The following BCAS3 variants were observed in gnomAD, a reference collection of about 807,000 sequenced individuals.
BCAS3 encodes the protein BCAS3 microtubule associated cell migration factor.
Under a neutral mutation model 116.1 loss-of-function variants are expected in BCAS3, and 53 were observed. That is an observed-to-expected ratio of 0.46 (90% CI 0.37 to 0.57). The LOEUF (loss-of-function observed/expected upper bound fraction) is 0.57. BCAS3 is among the 20% of genes least tolerant of loss of function. The pLI is 0.00. For missense variants in BCAS3, 917 were observed against 1,165.4 expected (o/e 0.79, Z 3.10); for synonymous variants, 391 against 408.2 (o/e 0.96, Z 0.51).
At position 61,243,202 on chromosome 17, in the gene BCAS3, G is replaced by A. The variant is rs897252979; in HGVS notation, c.2426-125125G>A. Among the ~76,000 whole-genome samples, 3 of 152,128 alleles carry A rather than the reference G, an allele frequency of 2.0e-5. No homozygotes were observed. Among genetic ancestry groups the A allele is most frequent in the Non-Finnish European group, 2.9e-5 (2 of 68,036 alleles). On this transcript the variant is annotated intron_variant, in intron 22 of 23. Transcript: ENST00000407086. The surrounding 1 kb of genome is among the most constrained non-coding windows in gnomAD (Gnocchi z 5.6). ...TGGGATTACAGGCATGAGCCACTGC[G>A]CCCTACTGCTATACACATTTAATGT...
At chr17:61,195,030 G>A (rs1384905262) in intron 22 of BCAS3, among the ~76,000 whole-genome samples, 1 of 152,196 alleles carries the variant, frequency 6.6e-6, no homozygotes, top group African/African-American at 2.4e-5. Context: ...AAGCTCTCAT[G>A]GAGCTTTCAC....
rs1333695064 is a variant in BCAS3, at chr17:61,051,968, C to G, written c.2029+11076C>G. ...AAATACAGGAAAAAAGGAAAAAGATCAGAGTATAAAATCAGTGAAACAGAA... is the reference window on the plus strand; with the variant it reads ...AAATACAGGAAAAAAGGAAAAAGATGAGAGTATAAAATCAGTGAAACAGAA... On this transcript the variant is annotated intron_variant, in intron 19 of 23. Coordinates refer to ENST00000407086, the MANE Select transcript of BCAS3 (RefSeq NM_017679.5). The surrounding 1 kb of genome is among the most constrained non-coding windows in gnomAD (Gnocchi z 4.1). Among the ~76,000 whole-genome samples the G allele has an allele frequency of 1.3e-4, 19 of 151,952 alleles. No homozygotes were observed. The highest frequency in any genetic ancestry group is 1.2e-3 in the Admixed American group (19 of 15,258).
At chr17:60,863,361 A>T (rs541435315) in intron 7 of BCAS3, among the ~76,000 whole-genome samples, 1 of 152,266 alleles carries the variant, frequency 6.6e-6, no homozygotes, top group South Asian at 2.1e-4. Context: ...CAGAGATATT[A>T]TATAGTGTAG....
At chr17:61,089,566 G>A (rs1461817033) in intron 22 of BCAS3, among the ~76,000 whole-genome samples, 1 of 111,072 alleles carries the variant, frequency 9.0e-6, no homozygotes, top group Non-Finnish European at 1.7e-5. Context: ...GTCTCGCTGT[G>A]TCACCCAGGC....
In BCAS3 at chr17:61,205,852, G is replaced by A. The variant is rs4968536; in HGVS notation, c.2425+121288G>A. Among the ~76,000 whole-genome samples, 125,645 of 152,150 alleles carry A rather than the reference G, an allele frequency of 0.83. 53,343 individuals are homozygous for A. Among genetic ancestry groups the A allele is most frequent in the Non-Finnish European group, 0.93 (63,332 of 68,030 alleles). ...TGAATAGTCATTGTATTCTTAGGGT[G>A]TGAAACTGTTTCGGGAGCAAAAGAT... On this transcript the variant is annotated intron_variant, in intron 22 of 23. Coordinates refer to ENST00000407086, the MANE Select transcript of BCAS3 (RefSeq NM_017679.5). This position sits in a 1 kb window ranked among gnomAD's most constrained non-coding sequence, Gnocchi z 5.2.
chr17:61,281,376 C>G lies in BCAS3; in HGVS notation c.2426-86951C>G, dbSNP rs1473871731. Among the ~76,000 whole-genome samples, 1 of 152,072 alleles carries G rather than the reference C, an allele frequency of 6.6e-6. No individual in the cohort carries two copies. The highest frequency in any genetic ancestry group is 1.5e-5 in the Non-Finnish European group (1 of 68,026). On this transcript the variant is annotated intron_variant, in intron 22 of 23. Transcript: ENST00000407086. The surrounding 1 kb of genome is among the most constrained non-coding windows in gnomAD (Gnocchi z 4.2). ...AATTCCCAGGTCAAAGGATAAGTGACCTAGGAATTTTTTGTAATTTAATTA... is the reference window on the plus strand; with the variant it reads ...AATTCCCAGGTCAAAGGATAAGTGAGCTAGGAATTTTTTGTAATTTAATTA...
Position 61,324,047 on chromosome 17 carries a change from C to T in BCAS3, c.2426-44280C>T, listed in dbSNP as rs936344869. Among the ~76,000 whole-genome samples, 1 of 152,166 alleles carries T rather than the reference C, an allele frequency of 6.6e-6. No homozygotes were observed. The highest frequency in any genetic ancestry group is 1.5e-5 in the Non-Finnish European group (1 of 68,040). ...ATCCTCACACTTCTTTGGCTGGAGC[C>T]GCCTTCCTCTGTGTTCTCAGTGTGC... On this transcript the variant is annotated intron_variant, in intron 22 of 23. Transcript: ENST00000407086. This position sits in a 1 kb window ranked among gnomAD's most constrained non-coding sequence, Gnocchi z 4.6.
intron 22 of BCAS3, among the ~76,000 whole-genome samples, chr17:61,335,771 T>G (rs1429581840): frequency 6.6e-6 from 1 of 152,236 alleles, no homozygotes; most frequent in African/African-American, 2.4e-5. Context: ...TTAATTGCCT[T>G]TCATAGAAAC....
At position 60,890,654 on chromosome 17, in the gene BCAS3, T is replaced by C. The variant is rs368283655; in HGVS notation, c.738+883T>C. 9.2e-5 allele frequency among the ~76,000 whole-genome samples: 14 copies of C among 152,318 alleles called. No homozygotes were observed. The South Asian group carries it at 2.1e-3, about 23-fold the overall frequency. ...CTATATGCACTAGGAATTTTACTTATGTCTGATTTAAGGAAAAAGGTAAAT... is the reference window on the plus strand; with the variant it reads ...CTATATGCACTAGGAATTTTACTTACGTCTGATTTAAGGAAAAAGGTAAAT... On this transcript the variant is annotated intron_variant, in intron 10 of 23. Coordinates refer to ENST00000407086, the MANE Select transcript of BCAS3 (RefSeq NM_017679.5).
At chr17:61,263,483 C>T (rs868832802) in intron 22 of BCAS3, among the ~76,000 whole-genome samples, 16 of 152,340 alleles carry the variant, frequency 1.1e-4, no homozygotes, top group Middle Eastern at 6.8e-3. Context: ...AGGAGAGACC[C>T]AGTCGATGCT....
At chr17:60,879,979 A>G (rs1008692179) in intron 9 of BCAS3, among the ~76,000 whole-genome samples, 1 of 152,210 alleles carries the variant, frequency 6.6e-6, no homozygotes, top group African/African-American at 2.4e-5. Context: ...TGAGTTCTCC[A>G]TAAGATGGAA....
intron 7 of BCAS3, among the ~76,000 whole-genome samples, chr17:60,817,467 A>C (rs1207802886): frequency 6.6e-6 from 1 of 152,242 alleles, no homozygotes; most frequent in Non-Finnish European, 1.5e-5. Flanking sequence ...AATCCAATAT[A>C]TTATGATCAC....
At chr17:60,717,668 GCAAAGTTGGACTTTTACGGTGAAATTA>G (rs1369946386) in intron 5 of BCAS3, among the ~76,000 whole-genome samples, 1 of 152,112 alleles carries the variant, frequency 6.6e-6, no homozygotes, top group Non-Finnish European at 1.5e-5. Context: ...CAAATATACA[GCAAAGTTGGACTTTTACGGTGAAATTA>G]CTTATACCCG....
intron 7 of BCAS3, among the ~76,000 whole-genome samples, chr17:60,860,547 T>C (rs1345041228): frequency 6.6e-6 from 1 of 152,240 alleles, no homozygotes; most frequent in Non-Finnish European, 1.5e-5. Flanking sequence ...TATAAAATCT[T>C]TGCCAGGGCA....
intron 22 of BCAS3, among the ~76,000 whole-genome samples, chr17:61,340,640 G>A (rs1014311561): frequency 1.3e-5 from 2 of 152,140 alleles, no homozygotes; most frequent in Non-Finnish European, 2.9e-5. Flanking sequence ...GACGGGGAGT[G>A]GGTAGAAGTT....
intron 6 of BCAS3, among the ~76,000 whole-genome samples, chr17:60,781,864 G>C (rs2144492950): frequency 6.6e-6 from 1 of 152,066 alleles, no homozygotes; most frequent in African/African-American, 2.4e-5. Context: ...ATTTTATTCT[G>C]CTGGAGACTT....
At chr17:60,842,518 A>G (rs974197018) in intron 7 of BCAS3, among the ~76,000 whole-genome samples, 1 of 151,892 alleles carries the variant, frequency 6.6e-6, no homozygotes, top group Non-Finnish European at 1.5e-5. Flanking sequence ...TCAATTTTCT[A>G]TTTAGAACCC....
rs183989015 is a variant in BCAS3, at chr17:61,164,949, G to A, written c.2425+80385G>A. 3.2e-4 allele frequency among the ~76,000 whole-genome samples: 49 copies of A among 152,320 alleles called. 1 individual carries two copies. Among genetic ancestry groups the A allele is most frequent in the East Asian group, 1.5e-3 (8 of 5,174 alleles). On this transcript the variant is annotated intron_variant, in intron 22 of 23. Coordinates refer to ENST00000407086, the MANE Select transcript of BCAS3 (RefSeq NM_017679.5). ...CCCGATTGGACCACTTTCCTGGTCCGTTATGGAAAGGTGAACAAACAAACA... is the reference window on the plus strand; with the variant it reads ...CCCGATTGGACCACTTTCCTGGTCCATTATGGAAAGGTGAACAAACAAACA...
rs2045473297 is a variant in BCAS3, at chr17:60,778,067, A to G, written c.404-29937A>G. On this transcript the variant is annotated intron_variant, in intron 6 of 23. Coordinates refer to ENST00000407086, the MANE Select transcript of BCAS3 (RefSeq NM_017679.5). ...CTGTTGAGTTTAGATAGTTCTTTAC[A>G]TACTCTGGATACAAGTCATTTGTTG... Among the ~76,000 whole-genome samples, 3 of 152,130 alleles carry G rather than the reference A, an allele frequency of 2.0e-5. 1 individual carries two copies. The highest frequency in any genetic ancestry group is 4.1e-4 in the South Asian group (2 of 4,828).
Sources: allele counts gnomAD v4.1 joint callset (sites outside exome capture counted in the v4.1 genomes callset), GRCh38; gene constraint gnomAD v4.1.1; non-coding constraint Gnocchi (gnomAD v3.1); transcripts MANE v1.5; gene names NCBI Gene and HGNC (gene_info 2026-07-23, HGNC 2026-07-21).